Variants in FXR1 observed in about 807,000 individuals in gnomAD.
FXR1 encodes the protein RNA-binding protein FXR1.
Under a neutral mutation model 84.0 loss-of-function variants are expected in FXR1, and 15 were observed. The observed-to-expected ratio is 0.18, with a 90% CI of 0.12 to 0.27. The LOEUF is 0.27. Among genes scored for constraint, FXR1 ranks in the 10% least tolerant of loss-of-function variants. The pLI is 1.00. For synonymous variants in FXR1, 245 were observed against 250.7 expected, an observed-to-expected ratio of 0.98 and a Z score of 0.21; for missense variants, 480 against 774.4, an observed-to-expected ratio of 0.62 and a Z score of 4.51.
intron 3 of FXR1, among the ~76,000 whole-genome samples, chr3:180,947,209 C>A (rs538677725): frequency 6.6e-6 from 1 of 151,972 alleles, no homozygotes; most frequent in East Asian, 1.9e-4. Flanking sequence ...CCACCATGCC[C>A]GGCTAATTTT....
chr3:180,948,387 A>G lies in FXR1; in HGVS notation c.311A>G (p.Asn104Ser). The G allele has an allele frequency of 1.2e-6, 2 of 1,606,932 alleles. No homozygotes were observed. The highest frequency in any genetic ancestry group is 1.7e-6 in the Non-Finnish European group (2 of 1,173,718). ...IEYAACDATY[N>S]EIVTFERLRP... The stretch of plus-strand genomic sequence containing the variant: ...TATGCTGCTTGTGACGCTACTTACA[A>G]TGAAATAGTCACATTTGAACGACTT... The change falls in exon 5 of 17, where the codon AAT becomes AGT. Residue 104 changes from asparagine (N) to serine (S), a missense_variant. Transcript: ENST00000357559.
intron 1 of FXR1, chr3:180,927,632 CT>C (rs778747024): frequency 4.7e-5 from 27 of 572,500 alleles, no homozygotes; most frequent in South Asian, 1.9e-4. Context: ...ATCCTGTGTA[CT>C]TTTTTCCCCC....
chr3:180,969,924 A>G (rs901419820), intron 14 of FXR1, among the ~76,000 whole-genome samples: 6 of 152,210 alleles, frequency 3.9e-5, no homozygotes. Flanking sequence ...TAGGAAGCCA[A>G]GATGTCTGCT....
At chr3:180,923,993 C>A (rs1212603901) in intron 1 of FXR1, among the ~76,000 whole-genome samples, 1 of 151,924 alleles carries the variant, frequency 6.6e-6, no homozygotes, top group Non-Finnish European at 1.5e-5. Flanking sequence ...GAGTCTTGCT[C>A]TGTCGCCCAG....
chr3:180,931,914 T>A (rs1719961606), intron 1 of FXR1, among the ~76,000 whole-genome samples: 2 of 151,454 alleles, frequency 1.3e-5, no homozygotes, highest in African/African-American at 4.8e-5. Context: ...AATTTTTTTA[T>A]ATTTTTGGTA....
chr3:180,945,877 G>T (rs1408262541), intron 3 of FXR1, among the ~76,000 whole-genome samples: 1 of 152,134 alleles, frequency 6.6e-6, no homozygotes, highest in Admixed American at 6.5e-5. Flanking sequence ...CATTGTTTGA[G>T]AACAATGTTT....
Position 180,971,011 on chromosome 3 carries a change from A to C in FXR1, c.1603+653A>C. On this transcript the variant is annotated intron_variant, in intron 15 of 16. Transcript: ENST00000357559. ...TCCCCTTTAAATCTTTGAAGGAAAG[A>C]AGGTTTTTTTGTTTTTTTGTTTGTT... is the stretch of plus-strand genomic sequence containing the variant. The C allele has an allele frequency of 7.7e-6, 3 of 391,864 alleles. No individual in the cohort carries two copies. The South Asian group carries it at 1.1e-4, about 14-fold the overall frequency. The allele number at this position is 391,864 out of a possible 1,614,324, so 24.3% of individuals were successfully genotyped here. A position where few individuals can be genotyped will look rare whatever the true frequency, so the allele number is the denominator to read the frequency against.
Position 180,950,241 on chromosome 3 carries a change from AT to A in FXR1, c.630+900del, listed in dbSNP as rs1333402105. 2.0e-5 allele frequency among the ~76,000 whole-genome samples: 3 copies of A among 152,338 alleles called. No homozygotes were observed. The East Asian group carries it at 5.8e-4, about 29-fold the overall frequency. On this transcript the variant is annotated intron_variant, in intron 7 of 16. Transcript: ENST00000357559. ...GTCTCAGAGAAATTAAGATATGTTT[AT>A]TATCCTTAGGACAAATTTGGAAATG...
intron 6 of FXR1, 51 bp downstream of exon 6, chr3:180,948,865 T>A (rs757162056): frequency 2.4e-6 from 2 of 828,762 alleles, no homozygotes; most frequent in African/African-American, 1.7e-5. Flanking sequence ...ATTGCACAGA[T>A]TTTATAATTA....
At chr3:180,940,499 T>C (rs888360618) in intron 3 of FXR1, among the ~76,000 whole-genome samples, 18 of 152,170 alleles carry the variant, frequency 1.2e-4, no homozygotes, top group African/African-American at 4.3e-4. Context: ...CAGCAAGTAA[T>C]ATATAAGCAA....
chr3:180,913,583 T>A (rs1717510127), intron 1 of FXR1, among the ~76,000 whole-genome samples: 1 of 152,166 alleles, frequency 6.6e-6, no homozygotes, highest in African/African-American at 2.4e-5. Flanking sequence ...TCCATTACTA[T>A]GGAATCGGGG....
At chr3:180,958,253 TA>T (rs1396900180) in intron 10 of FXR1, among the ~76,000 whole-genome samples, 3 of 152,010 alleles carry the variant, frequency 2.0e-5, no homozygotes, top group African/African-American at 7.2e-5. Flanking sequence ...TTTTTTTCAA[TA>T]GTTTTTGGGG....
At chr3:180,946,222 G>C (rs775097413) in intron 3 of FXR1, among the ~76,000 whole-genome samples, 1 of 152,180 alleles carries the variant, frequency 6.6e-6, no homozygotes, top group African/African-American at 2.4e-5. Context: ...TAAGGAAACT[G>C]TATGAACATT....
At chr3:180,935,323 A>C in intron 3 of FXR1, 92 bp downstream of exon 3, 1 of 644,364 alleles carries the variant, frequency 1.6e-6, no homozygotes, top group South Asian at 1.9e-5. Context: ...TGGAGGATAA[A>C]TCTAATTCAT....
At chr3:180,922,431 GTTCTT>G (rs1382860136) in intron 1 of FXR1, among the ~76,000 whole-genome samples, 2 of 152,102 alleles carry the variant, frequency 1.3e-5, no homozygotes, top group Non-Finnish European at 2.9e-5. Flanking sequence ...ATTTGAACTT[GTTCTT>G]TTAAGACTTG....
chr3:180,936,335 T>G lies in FXR1; in HGVS notation c.198+1104T>G, dbSNP rs373181515. On this transcript the variant is annotated intron_variant, in intron 3 of 16. Coordinates refer to ENST00000357559, the MANE Select transcript of FXR1 (RefSeq NM_005087.4). ...TAAGCTGGAGTTCAATGGAGCAATC[T>G]CAGTTCACTCCAACCTCCTCTTCCC... Among the ~76,000 whole-genome samples, 4 of 152,146 alleles carry G rather than the reference T, an allele frequency of 2.6e-5. No individual in the cohort carries two copies. In the East Asian group the frequency reaches 7.7e-4, roughly 29 times the overall value.
intron 2 of FXR1, among the ~76,000 whole-genome samples, chr3:180,934,309 T>C (rs1016636644): frequency 6.6e-6 from 1 of 152,212 alleles, no homozygotes; most frequent in Admixed American, 6.5e-5. Flanking sequence ...ATCTTTTACT[T>C]GTCAGCTGCT....
At chr3:180,953,163 AAC>A (rs1380393952) in intron 8 of FXR1, among the ~76,000 whole-genome samples, 2 of 152,312 alleles carry the variant, frequency 1.3e-5, no homozygotes, top group African/African-American at 4.8e-5. Context: ...GTTATTAAAG[AAC>A]ACACGTTAAA....
intron 10 of FXR1, among the ~76,000 whole-genome samples, chr3:180,961,184 A>G (rs920518989): frequency 6.6e-6 from 1 of 151,936 alleles, no homozygotes; most frequent in East Asian, 1.9e-4. Flanking sequence ...ACAAAAAATA[A>G]AAAGTAATAG....
Sources: allele counts gnomAD v4.1 joint callset (sites outside exome capture counted in the v4.1 genomes callset), GRCh38; gene constraint gnomAD v4.1.1; transcripts MANE v1.5; gene names NCBI Gene and HGNC (gene_info 2026-07-23, HGNC 2026-07-21).